The following DPP6 variants were observed in gnomAD, a reference collection of about 807,000 sequenced individuals.
DPP6 encodes A-type potassium channel modulatory protein DPP6.
DPP6 carries 69 observed loss-of-function variants against 122.6 expected under a neutral mutation model. The observed-to-expected ratio is 0.56, with a 90% CI of 0.46 to 0.69. The LOEUF (loss-of-function observed/expected upper bound fraction) is 0.69. Ranked by LOEUF, DPP6 falls within the 30% of genes least tolerant of loss-of-function variation. The pLI is 0.00. For missense variants in DPP6, 928 were observed against 1,116.9 expected, an observed-to-expected ratio of 0.83 and a Z score of 2.41; for synonymous variants, 418 against 433.1, an observed-to-expected ratio of 0.97 and a Z score of 0.43.
intron 1 of DPP6, among the ~76,000 whole-genome samples, chr7:154,183,952 C>T (rs1006484152): frequency 6.6e-6 from 1 of 152,316 alleles, no homozygotes; most frequent in Non-Finnish European, 1.5e-5. Flanking sequence ...TTCTTAATTG[C>T]CTAAACCACT....
chr7:154,775,235 C>T (rs933783628), intron 10 of DPP6, among the ~76,000 whole-genome samples: 15 of 152,170 alleles, frequency 9.9e-5, no homozygotes, highest in Non-Finnish European at 1.5e-4. Flanking sequence ...GCTTCAGTTT[C>T]CTCATCTGTA....
chr7:154,416,030 G>A (rs547127327), intron 1 of DPP6, among the ~76,000 whole-genome samples: 1 of 151,850 alleles, frequency 6.6e-6, no homozygotes, highest in Non-Finnish European at 1.5e-5. Flanking sequence ...ATTACCTGTG[G>A]TCAACTGAGA....
chr7:153,898,498 C>G (rs1002904400), intron 1 of DPP6, among the ~76,000 whole-genome samples: 1 of 151,942 alleles, frequency 6.6e-6, no homozygotes, highest in South Asian at 2.1e-4. Flanking sequence ...ATGTTCCCAA[C>G]GTGAAAAAAT....
At chr7:154,837,335 AACATGCAC>A (rs918231480) in intron 16 of DPP6, among the ~76,000 whole-genome samples, 29 of 149,196 alleles carry the variant, frequency 1.9e-4, no homozygotes, top group East Asian at 3.9e-4. Context: ...ACACATGCAT[AACATGCAC>A]ACATGCACAC....
chr7:154,402,766 AAAG>A (rs1269048318), intron 1 of DPP6, among the ~76,000 whole-genome samples: 5 of 150,754 alleles, frequency 3.3e-5, no homozygotes, highest in Admixed American at 6.6e-5. Flanking sequence ...AATTTAAAAA[AAAG>A]AAAAAAATAA....
At chr7:154,744,096 C>A (rs6597416) in intron 8 of DPP6, among the ~76,000 whole-genome samples, 1 of 152,062 alleles carries the variant, frequency 6.6e-6, no homozygotes, top group East Asian at 1.9e-4. Flanking sequence ...TGGATCCTCC[C>A]GGTGCGTCCT....
At chr7:154,891,061 T>G (rs549054690) in intron 25 of DPP6, 2 of 152,236 alleles carry the variant, frequency 1.3e-5, no homozygotes, top group South Asian at 4.2e-4. Flanking sequence ...AGACCCCATC[T>G]CTACAAAAAG....
At chr7:154,370,576 T>C (rs566311381) in intron 1 of DPP6, among the ~76,000 whole-genome samples, 5 of 152,234 alleles carry the variant, frequency 3.3e-5, no homozygotes, top group Non-Finnish European at 7.3e-5. Context: ...GTCCTGTTTG[T>C]ATAACCTTTA....
At chr7:154,815,913 C>T (rs1349478535) in intron 16 of DPP6, among the ~76,000 whole-genome samples, 1 of 152,220 alleles carries the variant, frequency 6.6e-6, no homozygotes, top group Non-Finnish European at 1.5e-5. Flanking sequence ...AGTATTATTA[C>T]CTGAGCCTAA....
the DPP6 span, among the ~76,000 whole-genome samples, chr7:153,755,625 C>T: frequency 3.3e-5 from 5 of 152,194 alleles, no homozygotes; most frequent in African/African-American, 1.2e-4. Context: ...GACCTTCCCC[C>T]TTCTGGGGCA....
chr7:154,519,064 G>A (rs1339008606), intron 3 of DPP6, among the ~76,000 whole-genome samples: 2 of 152,156 alleles, frequency 1.3e-5, no homozygotes, highest in Admixed American at 6.6e-5. Flanking sequence ...CCACCCACTC[G>A]GAGCTTAGAG....
At chr7:154,219,212 A>C (rs1006440361) in intron 1 of DPP6, among the ~76,000 whole-genome samples, 9 of 152,198 alleles carry the variant, frequency 5.9e-5, no homozygotes, top group African/African-American at 2.2e-4. Flanking sequence ...AGGCCAAGAC[A>C]ATGAAGTCAT....
intron 1 of DPP6, among the ~76,000 whole-genome samples, chr7:154,378,293 AT>A (rs1813298728): frequency 6.6e-6 from 1 of 152,218 alleles, no homozygotes; most frequent in South Asian, 2.1e-4. Context: ...CCATTGTATG[AT>A]TTCAGAGGGA....
At chr7:154,300,857 AC>A (rs1805855138) in intron 1 of DPP6, among the ~76,000 whole-genome samples, 1 of 152,194 alleles carries the variant, frequency 6.6e-6, no homozygotes, top group African/African-American at 2.4e-5. Flanking sequence ...AAGTCTTAAC[AC>A]CCAGTGCTTC....
intron 3 of DPP6, among the ~76,000 whole-genome samples, chr7:154,484,741 G>A (rs1220404293): frequency 1.3e-5 from 2 of 152,242 alleles, no homozygotes; most frequent in African/African-American, 4.8e-5. Context: ...CCACTTGTTA[G>A]CAGAGAGCCC....
chr7:154,007,592 C>T (rs1439183052), intron 1 of DPP6, among the ~76,000 whole-genome samples: 1 of 152,154 alleles, frequency 6.6e-6, no homozygotes, highest in African/African-American at 2.4e-5. Context: ...GCCGCAAGTA[C>T]TTAGAGTGAA....
Position 154,644,763 on chromosome 7 carries a change from C to T in DPP6, c.680+6890C>T, listed in dbSNP as rs1335820103. On this transcript the variant is annotated intron_variant, in intron 6 of 25. Transcript: ENST00000377770. Reference sequence around the variant, plus strand: ...CTGGCTCTGTCACCAGGTTGAAGTGCAGTGGCGCGATCTCGGCTCACTTCA... The same window carrying T: ...CTGGCTCTGTCACCAGGTTGAAGTGTAGTGGCGCGATCTCGGCTCACTTCA... 3.4e-5 allele frequency among the ~76,000 whole-genome samples: 5 copies of T among 146,434 alleles called. No homozygotes were observed. The East Asian group carries it at 1.0e-3, about 29-fold the overall frequency.
chr7:154,735,029 C>T (rs1842510325), intron 8 of DPP6, among the ~76,000 whole-genome samples: 1 of 152,170 alleles, frequency 6.6e-6, no homozygotes, highest in Non-Finnish European at 1.5e-5. Flanking sequence ...TTTGCAATGT[C>T]AGGAATCGGA....
intron 1 of DPP6, among the ~76,000 whole-genome samples, chr7:154,343,890 A>G (rs958500574): frequency 1.3e-5 from 2 of 152,168 alleles, no homozygotes; most frequent in African/African-American, 4.8e-5. Context: ...TAATTTTTGT[A>G]TTATTAGTAG....
Sources: allele counts gnomAD v4.1 joint callset (sites outside exome capture counted in the v4.1 genomes callset), GRCh38; gene constraint gnomAD v4.1.1; transcripts MANE v1.5; gene names NCBI Gene and HGNC (gene_info 2026-07-23, HGNC 2026-07-21).